GAB1: variants seen among roughly 807,000 people sequenced by gnomAD.
GAB1 encodes the protein GRB2 associated binding protein 1, also known as GRB2-associated-binding protein 1.
Under a neutral mutation model 66.5 loss-of-function variants are expected in GAB1, and 19 were observed. The ratio of observed to expected loss-of-function variants is 0.29; its 90% CI spans 0.20 to 0.42. The LOEUF (loss-of-function observed/expected upper bound fraction) is 0.42. Ranked by LOEUF, GAB1 falls within the 10% of genes least tolerant of loss-of-function variation. GAB1 has a pLI of 1.00. For missense variants in GAB1, 732 were observed against 858.5 expected (o/e 0.85, Z 1.84); for synonymous variants, 294 against 301.4 (o/e 0.98, Z 0.25).
chr4:143,448,691 A>G (rs1734713455), intron 6 of GAB1, among the ~76,000 whole-genome samples: 1 of 150,898 alleles, frequency 6.6e-6, no homozygotes. Flanking sequence ...TTTTTTCTTT[A>G]TTAGTCTTTC....
Position 143,412,300 on chromosome 4 carries a change from T to C in GAB1, c.73-3177T>C, listed in dbSNP as rs3805237. ...TTGTGCATGTGTTTTGGTAAAGTTG[T>C]CTTAGTTATGTTTATTTTATTATGT... On this transcript the variant is annotated intron_variant, in intron 1 of 9. Transcript: ENST00000262994. 2.4e-4 allele frequency among the ~76,000 whole-genome samples: 36 copies of C among 152,322 alleles called. No individual in the cohort carries two copies. In the East Asian group the frequency reaches 6.6e-3, roughly 28 times the overall value.
intron 9 of GAB1, among the ~76,000 whole-genome samples, chr4:143,468,696 C>T (rs1327696659): frequency 1.3e-5 from 2 of 151,602 alleles, no homozygotes; most frequent in African/African-American, 2.4e-5. Context: ...GAGGCCAAGG[C>T]GGATGGATCT....
At chr4:143,411,134 G>A (rs747640540) in intron 1 of GAB1, among the ~76,000 whole-genome samples, 1 of 152,140 alleles carries the variant, frequency 6.6e-6, no homozygotes, top group East Asian at 1.9e-4. Context: ...ACGCTGGAGA[G>A]ATTTAGGGGT....
intron 1 of GAB1, among the ~76,000 whole-genome samples, chr4:143,342,952 T>C (rs918666770): frequency 6.6e-6 from 1 of 152,150 alleles, no homozygotes; most frequent in African/African-American, 2.4e-5. Flanking sequence ...TTGTAGTAGA[T>C]GGGCTACTAC....
At chr4:143,391,492 A>T (rs1242656634) in intron 1 of GAB1, 1 of 151,962 alleles carries the variant, frequency 6.6e-6, no homozygotes, top group African/African-American at 2.4e-5. Flanking sequence ...GATAAATTTA[A>T]CCCCTTCTCT....
At chr4:143,437,604 G>A (rs926345929) in intron 3 of GAB1, among the ~76,000 whole-genome samples, 2 of 152,176 alleles carry the variant, frequency 1.3e-5, no homozygotes, top group Non-Finnish European at 2.9e-5. Context: ...TATATAAACT[G>A]TACTAGCACT....
chr4:143,398,149 GGT>G (rs1731549741), intron 1 of GAB1, among the ~76,000 whole-genome samples: 1 of 152,140 alleles, frequency 6.6e-6, no homozygotes, highest in Non-Finnish European at 1.5e-5. Context: ...AGCTGGTGAG[GGT>G]GTTATAAGCT....
chr4:143,348,256 G>C (rs1378654472), intron 1 of GAB1, among the ~76,000 whole-genome samples: 1 of 152,114 alleles, frequency 6.6e-6, no homozygotes, highest in African/African-American at 2.4e-5. Flanking sequence ...TTGATAATTT[G>C]AGTACTCTTT....
intron 1 of GAB1, among the ~76,000 whole-genome samples, chr4:143,388,810 A>G (rs886851726): frequency 3.3e-5 from 5 of 152,202 alleles, no homozygotes; most frequent in Non-Finnish European, 7.4e-5. Context: ...AAAAAAATCT[A>G]TTTAACTGTT....
At chr4:143,402,719 A>C (rs1731842601) in intron 1 of GAB1, among the ~76,000 whole-genome samples, 1 of 152,204 alleles carries the variant, frequency 6.6e-6, no homozygotes, top group African/African-American at 2.4e-5. Context: ...GTTCTAGTTA[A>C]ATACCAGCAA....
intron 6 of GAB1, among the ~76,000 whole-genome samples, chr4:143,448,869 T>C (rs1734725657): frequency 6.6e-6 from 1 of 151,060 alleles, no homozygotes; most frequent in Non-Finnish European, 1.5e-5. Flanking sequence ...CTAGTTCTTT[T>C]AATTGTGATG....
At chr4:143,406,665 T>A (rs1196221033) in intron 1 of GAB1, among the ~76,000 whole-genome samples, 2 of 152,214 alleles carry the variant, frequency 1.3e-5, no homozygotes, top group Non-Finnish European at 2.9e-5. Context: ...AAGGGTGAGA[T>A]CCAGTGGACC....
chr4:143,369,730 G>A lies in GAB1; in HGVS notation c.72+32470G>A, dbSNP rs983188318. ...GATTGGATTTGAAGCCAACATGCTT[G>A]CTAAACCGGGAAGCTGCTATTACAG... On this transcript the variant is annotated intron_variant, in intron 1 of 9. Coordinates refer to ENST00000262994, the MANE Select transcript of GAB1 (RefSeq NM_002039.4). Among the ~76,000 whole-genome samples, 3 of 152,214 alleles carry A rather than the reference G, an allele frequency of 2.0e-5. 1 individual carries two copies.
intron 1 of GAB1, among the ~76,000 whole-genome samples, chr4:143,359,300 T>C (rs1392171854): frequency 2.0e-5 from 3 of 152,210 alleles, no homozygotes; most frequent in Non-Finnish European, 4.4e-5. Context: ...CTGAAAATGT[T>C]TGATACTGAA....
At chr4:143,358,025 C>A (rs1411466675) in intron 1 of GAB1, among the ~76,000 whole-genome samples, 1 of 152,068 alleles carries the variant, frequency 6.6e-6, no homozygotes, top group African/African-American at 2.4e-5. Flanking sequence ...TTTTAAAAAA[C>A]CACTTTTAAA....
At chr4:143,367,129 A>T (rs901164319) in intron 1 of GAB1, among the ~76,000 whole-genome samples, 4 of 152,230 alleles carry the variant, frequency 2.6e-5, no homozygotes, top group Admixed American at 6.5e-5. Flanking sequence ...TATCAGAAAT[A>T]GCCTTGCAAA....
chr4:143,338,343 C>A (rs942542595), intron 1 of GAB1, among the ~76,000 whole-genome samples: 2 of 152,252 alleles, frequency 1.3e-5, no homozygotes, highest in South Asian at 4.1e-4. Context: ...AATTTAATGC[C>A]TGTACGAAGG....
At chr4:143,354,687 A>G (rs187777783) in intron 1 of GAB1, among the ~76,000 whole-genome samples, 203 of 152,276 alleles carry the variant, frequency 1.3e-3, no homozygotes, top group African/African-American at 4.8e-3. Context: ...TGAATAGAAA[A>G]TGTGCATAGA....
chr4:143,465,380 T>C (rs987278730), intron 8 of GAB1, among the ~76,000 whole-genome samples: 1 of 152,196 alleles, frequency 6.6e-6, no homozygotes, highest in African/African-American at 2.4e-5. Flanking sequence ...GAAATGGTTA[T>C]TTACAAATTC....
Sources: gnomAD v4.1 joint callset for allele counts (sites outside exome capture counted in the v4.1 genomes callset) on GRCh38, gnomAD v4.1.1 for gene constraint, MANE v1.5 for transcripts, NCBI Gene and HGNC (gene_info 2026-07-23, HGNC 2026-07-21) for gene names.